GRIK2: variants seen among roughly 807,000 people sequenced by gnomAD.
GRIK2 encodes the protein glutamate receptor ionotropic, kainate 2.
Under a neutral mutation model 100.3 loss-of-function variants are expected in GRIK2, and 32 were observed. That is an observed-to-expected ratio of 0.32 (90% CI 0.24 to 0.43). GRIK2 has a LOEUF of 0.43. Among genes scored for constraint, GRIK2 ranks in the 20% least tolerant of loss-of-function variants. GRIK2 has a pLI of 1.00. For missense variants in GRIK2, 843 were observed against 1,114.9 expected, an observed-to-expected ratio of 0.76 and a Z score of 3.47; for synonymous variants, 417 against 389.4, an observed-to-expected ratio of 1.07 and a Z score of -0.83.
At chr6:101,637,175 C>T (rs1011879531) in intron 4 of GRIK2, among the ~76,000 whole-genome samples, 1 of 152,008 alleles carries the variant, frequency 6.6e-6, no homozygotes, top group African/African-American at 2.4e-5. Flanking sequence ...TCATTGTTTA[C>T]CTCGTTCTCC....
rs564337820 is a variant in GRIK2 at position 101,657,901 on chromosome 6, G to C, written c.542-18722G>C. 3.4e-4 allele frequency among the ~76,000 whole-genome samples: 52 copies of C among 152,052 alleles called. 1 individual carries two copies. The Middle Eastern group carries it at 0.034, about 99-fold the overall frequency. On this transcript the variant is annotated intron_variant, in intron 4 of 16. Coordinates refer to ENST00000369134, the MANE Select transcript of GRIK2 (RefSeq NM_021956.5). The stretch of plus-strand genomic sequence containing the variant: ...TCTAGGATGAGGGGGAGTATAGAGA[G>C]AATTATCCCTGTTCTTCTTTCACTT...
At chr6:101,431,695 G>C (rs1227991614) in intron 2 of GRIK2, 1 of 152,186 alleles carries the variant, frequency 6.6e-6, no homozygotes, top group Non-Finnish European at 1.5e-5. Flanking sequence ...TTTAGCATCA[G>C]TTTGACCATT....
chr6:101,497,600 A>T (rs1025824458), intron 2 of GRIK2, among the ~76,000 whole-genome samples: 21 of 152,068 alleles, frequency 1.4e-4, no homozygotes, highest in Non-Finnish European at 2.2e-4. Context: ...CCTACTATAC[A>T]TCTTGTTATT....
intron 12 of GRIK2, among the ~76,000 whole-genome samples, chr6:101,898,065 T>C (rs1787588915): frequency 6.6e-6 from 1 of 151,868 alleles, no homozygotes; most frequent in South Asian, 2.1e-4. Context: ...TTGAGAACTA[T>C]AAAGAGATTC....
rs1212113634 is a variant in GRIK2 at position 101,702,413 on chromosome 6, A to G, written c.951+16060A>G. Among the ~76,000 whole-genome samples the G allele has an allele frequency of 2.0e-5, 3 of 152,006 alleles. 1 individual carries two copies. The highest frequency in any genetic ancestry group is 4.1e-4 in the South Asian group (2 of 4,830). ...TTAACATAGAAATTTTGAAGTATAT[A>G]TGCCTTAACTGTTTAACTGGCCAAA... On this transcript the variant is annotated intron_variant, in intron 7 of 16. Coordinates refer to ENST00000369134, the MANE Select transcript of GRIK2 (RefSeq NM_021956.5).
At chr6:101,753,373 A>G (rs1352171117) in intron 7 of GRIK2, among the ~76,000 whole-genome samples, 1 of 152,032 alleles carries the variant, frequency 6.6e-6, no homozygotes, top group Non-Finnish European at 1.5e-5. Flanking sequence ...ATATAATAAG[A>G]TTTCCTAAGA....
chr6:101,934,959 T>C (rs1790525770), intron 14 of GRIK2, among the ~76,000 whole-genome samples: 1 of 152,146 alleles, frequency 6.6e-6, no homozygotes, highest in East Asian at 1.9e-4. Context: ...TAGAACTTTT[T>C]TGAATTTTAG....
chr6:101,861,301 G>A (rs1267284725), intron 11 of GRIK2, among the ~76,000 whole-genome samples: 6 of 152,160 alleles, frequency 3.9e-5, no homozygotes, highest in Non-Finnish European at 8.8e-5. Context: ...ATGAGTGTTT[G>A]TGTTGAGGGC....
At chr6:101,807,736 G>A (rs1376326093) in intron 9 of GRIK2, among the ~76,000 whole-genome samples, 6 of 151,910 alleles carry the variant, frequency 3.9e-5, no homozygotes. Flanking sequence ...TGGGAAACTG[G>A]AAGTAATAGG....
chr6:101,961,021 T>C (rs1166995521), intron 14 of GRIK2, among the ~76,000 whole-genome samples: 1 of 152,148 alleles, frequency 6.6e-6, no homozygotes. Context: ...GATAAGTTAA[T>C]GTATCCACCT....
At chr6:101,809,538 G>A (rs181244769) in intron 9 of GRIK2, among the ~76,000 whole-genome samples, 25 of 151,994 alleles carry the variant, frequency 1.6e-4, no homozygotes, top group East Asian at 9.7e-4. Context: ...CCGGATGCAC[G>A]GCAGTTTTTA....
At chr6:101,823,648 G>A (rs1009794493) in intron 10 of GRIK2, among the ~76,000 whole-genome samples, 21 of 151,910 alleles carry the variant, frequency 1.4e-4, no homozygotes, top group African/African-American at 4.8e-4. Flanking sequence ...GTTCCTAATT[G>A]TCAAAAATAA....
chr6:101,493,489 C>A (rs1300129631), intron 2 of GRIK2, among the ~76,000 whole-genome samples: 1 of 151,950 alleles, frequency 6.6e-6, no homozygotes, highest in Non-Finnish European at 1.5e-5. Context: ...TGACTGTTAA[C>A]ATAGAATCAA....
In GRIK2 at chr6:101,896,963, TAATC is replaced by T. The variant is rs199503354; in HGVS notation, c.1748+7104_1748+7107del. ...TACCAAAAAATGGCACCTCTGTTCTTAATCAATTCTTTATGGAACATGTCATTGT... is the reference window on the plus strand; with the variant it reads ...TACCAAAAAATGGCACCTCTGTTCTTAATTCTTTATGGAACATGTCATTGT... On this transcript the variant is annotated intron_variant, in intron 12 of 16. Coordinates refer to ENST00000369134, the MANE Select transcript of GRIK2 (RefSeq NM_021956.5). Among the ~76,000 whole-genome samples the T allele has an allele frequency of 8.0e-3, 1,209 of 151,406 alleles. 22 individuals are homozygous for T. The highest frequency in any genetic ancestry group is 0.028 in the African/African-American group (1,142 of 41,370).
chr6:102,052,002 A>T (rs1224513795), intron 15 of GRIK2, among the ~76,000 whole-genome samples: 2 of 152,146 alleles, frequency 1.3e-5, no homozygotes, highest in East Asian at 1.9e-4. Flanking sequence ...AACTGTCTCT[A>T]TCTACATAAT....
chr6:101,722,464 C>T (rs1774553336), intron 7 of GRIK2, among the ~76,000 whole-genome samples: 1 of 152,038 alleles, frequency 6.6e-6, no homozygotes, highest in Non-Finnish European at 1.5e-5. Flanking sequence ...ACGTCTTTCA[C>T]AATTTTTACT....
chr6:101,799,725 T>C lies in GRIK2; in HGVS notation c.1029T>C (p.Ser343=). The C allele has an allele frequency of 6.2e-7, 1 of 1,613,330 alleles. No homozygotes were observed. The highest frequency in any genetic ancestry group is 2.2e-5 in the East Asian group (1 of 44,848). ...AVQQFPQMTV[S]SLQCNRHKPW... ...AACAGTTTCCCCAGATGACAGTCAG[T>C]TCCTTGCAGTGTAATCGACATAAAC... The change falls in exon 8 of 17, where the codon AGT becomes AGC. Residue 343 remains serine, a synonymous_variant. Transcript: ENST00000369134.
At chr6:101,641,875 A>T (rs1347367628) in intron 4 of GRIK2, among the ~76,000 whole-genome samples, 1 of 151,932 alleles carries the variant, frequency 6.6e-6, no homozygotes, top group African/African-American at 2.4e-5. Flanking sequence ...CTTGAAAATG[A>T]CTTTTTTCTT....
chr6:102,002,422 A>C (rs1045559057), intron 14 of GRIK2, among the ~76,000 whole-genome samples: 3 of 129,720 alleles, frequency 2.3e-5, no homozygotes, highest in Non-Finnish European at 3.6e-5. Flanking sequence ...TAGCATATAC[A>C]TACACAGTAT....
Sources: gnomAD v4.1 joint callset for allele counts (sites outside exome capture counted in the v4.1 genomes callset) on GRCh38, gnomAD v4.1.1 for gene constraint, MANE v1.5 for transcripts, NCBI Gene and HGNC (gene_info 2026-07-23, HGNC 2026-07-21) for gene names.